MLIP: variants seen among roughly 807,000 people sequenced by gnomAD.
MLIP encodes muscular LMNA interacting protein, also known as muscular LMNA-interacting protein.
MLIP carries 79 observed loss-of-function variants against 84.8 expected under a neutral mutation model. That is an observed-to-expected ratio of 0.93 (90% CI 0.78 to 1.12). The LOEUF (loss-of-function observed/expected upper bound fraction) is 1.12, where lower values mean the gene tolerates loss of function less well. Ranked by LOEUF, MLIP falls within the 50% of genes most tolerant of loss-of-function variation. The pLI is 0.00. For missense variants in MLIP, 1,257 were observed against 1,160.6 expected, an observed-to-expected ratio of 1.08 and a Z score of -1.21; for synonymous variants, 504 against 463.0, an observed-to-expected ratio of 1.09 and a Z score of -1.14.
intron 11 of MLIP, 93 bp downstream of exon 11, chr6:54,202,326 A>G: frequency 1.5e-6 from 1 of 685,564 alleles, no homozygotes; most frequent in Non-Finnish European, 2.0e-6. Context: ...TGATAAATAT[A>G]AAATAAAGAT....
chr6:54,027,553 T>A (rs1480453072), intron 1 of MLIP, among the ~76,000 whole-genome samples: 1 of 152,172 alleles, frequency 6.6e-6, no homozygotes, highest in African/African-American at 2.4e-5. Flanking sequence ...AACCTTAATT[T>A]TAGCCCCTCT....
chr6:54,229,669 C>T (rs1239222047), intron 11 of MLIP, among the ~76,000 whole-genome samples: 1 of 152,184 alleles, frequency 6.6e-6, no homozygotes, highest in Non-Finnish European at 1.5e-5. Flanking sequence ...TGGCTTCCGG[C>T]TCCATCCATG....
At chr6:54,091,008 A>G (rs1046106997) in intron 1 of MLIP, among the ~76,000 whole-genome samples, 1 of 152,258 alleles carries the variant, frequency 6.6e-6, no homozygotes, top group Non-Finnish European at 1.5e-5. Flanking sequence ...GGCCAAATAT[A>G]TCTTCGTTGC....
rs1562065819 is a variant in MLIP, at chr6:54,213,725, A to ACAAC, written c.2718+11492_2718+11493insCAAC. Among the ~76,000 whole-genome samples, 141 of 129,058 alleles carry ACAAC rather than the reference A, an allele frequency of 1.1e-3. 6 individuals carry two copies. The highest frequency in any genetic ancestry group is 4.7e-3 in the African/African-American group (134 of 28,816). 84.7% of individuals were successfully genotyped at this position (129,058 alleles called of 152,430 possible). ...TTTGTCTCAAAAAAAAAAAAAAAAA[A>ACAAC]AAAAAAAAAAACAACAAACAGCATA... On this transcript the variant is annotated intron_variant, in intron 11 of 13. Coordinates refer to ENST00000502396, the MANE Select transcript of MLIP (RefSeq NM_001281747.2).
chr6:54,216,503 T>C (rs1779863883), intron 11 of MLIP: 1 of 985,324 alleles, frequency 1.0e-6, no homozygotes, highest in Non-Finnish European at 1.2e-6. Flanking sequence ...TCCATGCTGA[T>C]CCATGCCATC....
intron 12 of MLIP, among the ~76,000 whole-genome samples, chr6:54,249,567 T>C (rs1782314315): frequency 6.6e-6 from 1 of 151,936 alleles, no homozygotes; most frequent in Non-Finnish European, 1.5e-5. Context: ...ACTCAGAGCA[T>C]TGCCTATGTT....
chr6:54,248,874 A>T (rs1782264639), intron 12 of MLIP, among the ~76,000 whole-genome samples: 1 of 152,122 alleles, frequency 6.6e-6, no homozygotes, highest in Admixed American at 6.6e-5. Context: ...AACAATTAAC[A>T]TGCATTTCAA....
intron 8 of MLIP, among the ~76,000 whole-genome samples, chr6:54,168,097 A>G (rs1230265942): frequency 6.6e-6 from 1 of 151,856 alleles, no homozygotes; most frequent in East Asian, 1.9e-4. Flanking sequence ...ATTTTTCAAT[A>G]TATTGGTCAG....
At chr6:54,055,200 T>G (rs1765593340) in intron 1 of MLIP, among the ~76,000 whole-genome samples, 1 of 152,198 alleles carries the variant, frequency 6.6e-6, no homozygotes, top group Admixed American at 6.5e-5. Flanking sequence ...CACTATCTTT[T>G]TTATATGTCT....
chr6:54,231,025 A>AT, intron 12 of MLIP, 108 bp downstream of exon 12: 9 of 791,896 alleles, frequency 1.1e-5, no homozygotes, highest in South Asian at 2.0e-5. Context: ...ATATTTAAAT[A>AT]TTAAATATCT....
intron 13 of MLIP, among the ~76,000 whole-genome samples, chr6:54,265,567 G>T (rs1231465110): frequency 6.6e-6 from 1 of 152,106 alleles, no homozygotes; most frequent in Non-Finnish European, 1.5e-5. Context: ...TTAGGGAATG[G>T]TGCAGTCAAT....
At chr6:54,057,206 C>A (rs1019398388) in intron 1 of MLIP, among the ~76,000 whole-genome samples, 5 of 152,184 alleles carry the variant, frequency 3.3e-5, no homozygotes, top group Non-Finnish European at 7.4e-5. Context: ...CATTTATCCA[C>A]AAAACTCTGG....
chr6:54,052,913 T>C (rs1362036028), intron 1 of MLIP, among the ~76,000 whole-genome samples: 1 of 152,168 alleles, frequency 6.6e-6, no homozygotes, highest in Admixed American at 6.6e-5. Context: ...AATATGCTGG[T>C]CTACTTTGAG....
chr6:54,078,444 C>A (rs145522530), intron 1 of MLIP, among the ~76,000 whole-genome samples: 1 of 152,122 alleles, frequency 6.6e-6, no homozygotes, highest in East Asian at 1.9e-4. Context: ...ATTAGCCAGG[C>A]ATGGTTGTGC....
chr6:54,252,771 C>G (rs1053575301), intron 12 of MLIP, among the ~76,000 whole-genome samples: 3 of 151,692 alleles, frequency 2.0e-5, no homozygotes, highest in African/African-American at 7.3e-5. Flanking sequence ...ACCAGAAAAA[C>G]AAACCGGCAT....
At chr6:54,208,675 A>T (rs1779209277) in intron 11 of MLIP, among the ~76,000 whole-genome samples, 1 of 152,238 alleles carries the variant, frequency 6.6e-6, no homozygotes, top group African/African-American at 2.4e-5. Context: ...TTATCCTCAA[A>T]TTTTGAGACA....
intron 9 of MLIP, among the ~76,000 whole-genome samples, chr6:54,189,389 C>G (rs559787084): frequency 3.9e-5 from 6 of 152,142 alleles, no homozygotes; most frequent in Admixed American, 1.3e-4. Flanking sequence ...AAAACCAAGT[C>G]ATTTTTATTC....
intron 12 of MLIP, among the ~76,000 whole-genome samples, chr6:54,243,766 G>A (rs1220413087): frequency 3.3e-5 from 5 of 151,392 alleles, no homozygotes; most frequent in African/African-American, 9.8e-5. Flanking sequence ...CGGGAATCAC[G>A]CACAGGCTTC....
At chr6:54,192,853 C>T (rs1312782726) in intron 10 of MLIP, among the ~76,000 whole-genome samples, 1 of 152,012 alleles carries the variant, frequency 6.6e-6, no homozygotes, top group African/African-American at 2.4e-5. Flanking sequence ...TTATTTGACT[C>T]CTATTTTAGG....
Sources: gnomAD v4.1 joint callset for allele counts (sites outside exome capture counted in the v4.1 genomes callset) on GRCh38, gnomAD v4.1.1 for gene constraint, MANE v1.5 for transcripts, NCBI Gene and HGNC (gene_info 2026-07-23, HGNC 2026-07-21) for gene names.